The following GINS4 variants were observed in gnomAD, a reference collection of about 807,000 sequenced individuals.
The protein encoded by GINS4 is DNA replication complex GINS protein SLD5.
GINS4 carries 20 observed loss-of-function variants against 31.1 expected under a neutral mutation model. The observed-to-expected ratio is 0.64, with a 90% CI of 0.45 to 0.93. The LOEUF (loss-of-function observed/expected upper bound fraction) is 0.93, where lower values mean the gene tolerates loss of function less well. GINS4 is among the 40% of genes least tolerant of loss of function. The pLI is 0.00. For missense variants in GINS4, 245 were observed against 273.9 expected (o/e 0.89, Z 0.75); for synonymous variants, 85 against 97.9 (o/e 0.87, Z 0.78).
chr8:41,538,796 C>A (rs1806784839), intron 4 of GINS4, among the ~76,000 whole-genome samples: 1 of 151,974 alleles, frequency 6.6e-6, no homozygotes, highest in South Asian at 2.1e-4. Flanking sequence ...CCTTCGCCCC[C>A]CAGGTTGACG....
chr8:41,531,850 G>T (rs546770706), intron 2 of GINS4, among the ~76,000 whole-genome samples: 1 of 152,208 alleles, frequency 6.6e-6, no homozygotes, highest in African/African-American at 2.4e-5. Flanking sequence ...GAGTGCAGTG[G>T]TGTGATCTTG....
Position 41,542,251 on chromosome 8 carries a change from G to A in GINS4, c.*164G>A, listed in dbSNP as rs548410209. The A allele has an allele frequency of 6.4e-6, 4 of 624,102 alleles. No homozygotes were observed. The Admixed American group carries it at 7.0e-5, about 11-fold the overall frequency. The allele number at this position is 624,102 out of a possible 1,614,324, so 38.7% of individuals were successfully genotyped here. ...CAAAATAATTAGCCGGGTGTTGGTGGTGTGCACCTGTAATCCCAGCTACTC... is the reference window on the plus strand; with the variant it reads ...CAAAATAATTAGCCGGGTGTTGGTGATGTGCACCTGTAATCCCAGCTACTC... On this transcript the variant is annotated 3_prime_UTR_variant, in exon 8 of 8. Coordinates refer to ENST00000276533, the MANE Select transcript of GINS4 (RefSeq NM_032336.3).
rs772107504 is a variant in GINS4 at position 41,530,311 on chromosome 8, G to A, written c.96+13G>A. On this transcript the variant is annotated intron_variant, in intron 2 of 7. Transcript: ENST00000276533. ...AAGATTGGAGCAGGTAAGCATCCCAGATCGAATCCCTTTGCTCCAGTCAGC... is the reference window on the plus strand; with the variant it reads ...AAGATTGGAGCAGGTAAGCATCCCAAATCGAATCCCTTTGCTCCAGTCAGC... 1 of 1,587,198 alleles carries A rather than the reference G, an allele frequency of 6.3e-7. No homozygotes were observed. Among genetic ancestry groups the A allele is most frequent in the South Asian group, 1.1e-5 (1 of 89,620 alleles).
rs776678766 is a variant in GINS4, at chr8:41,542,024, G to A, written c.609G>A (p.Gln203=). ...TGATTGACCTGGAGAAGGGCTCACA[G>A]CACTTGATCCGATACAAAACCATTG... is the stretch of plus-strand genomic sequence containing the variant. ...DYVIDLEKGS[Q]HLIRYKTIAP... is the part of the protein sequence containing the mutation. The change falls in exon 8 of 8, where the codon CAG becomes CAA. Residue 203 remains glutamine, a synonymous_variant. Coordinates refer to ENST00000276533, the MANE Select transcript of GINS4 (RefSeq NM_032336.3). 3.1e-6 allele frequency: 5 copies of A among 1,614,142 alleles called. No homozygotes were observed. Among genetic ancestry groups the A allele is most frequent in the Non-Finnish European group, 4.2e-6 (5 of 1,180,024 alleles).
intron 2 of GINS4, 59 bp from the exon 3 acceptor site, chr8:41,536,301 A>G: frequency 9.8e-7 from 1 of 1,018,750 alleles, no homozygotes; most frequent in Admixed American, 1.7e-5. Flanking sequence ...GGGCTGACTC[A>G]CTGGGTTGTT....
At position 41,544,845 on chromosome 8, in the gene GINS4, G is replaced by A. The variant is rs1806905424; in HGVS notation, c.*2758G>A. ...ATGTTGTGCAGTTGCTGCTGGCCCG[G>A]GGACCACATTGAATGACGGCTCTAC... On this transcript the variant is annotated 3_prime_UTR_variant, in exon 8 of 8. Coordinates refer to ENST00000276533, the MANE Select transcript of GINS4 (RefSeq NM_032336.3). The A allele has an allele frequency of 6.6e-6, 1 of 152,114 alleles. No individual in the cohort carries two copies. The highest frequency in any genetic ancestry group is 2.1e-4 in the South Asian group (1 of 4,830). 9.4% of individuals were successfully genotyped at this position (152,114 alleles called of 1,614,324 possible).
intron 2 of GINS4, 95 bp from the exon 3 acceptor site, chr8:41,536,265 C>T (rs1048480338): frequency 7.3e-5 from 57 of 779,394 alleles, no homozygotes; most frequent in African/African-American, 6.4e-4. Context: ...TTCTTGCCTG[C>T]GCCATCCCTG....
chr8:41,535,271 G>A (rs1806723072), intron 2 of GINS4, among the ~76,000 whole-genome samples: 1 of 152,152 alleles, frequency 6.6e-6, no homozygotes, highest in Non-Finnish European at 1.5e-5. Context: ...CCGAGAGGCA[G>A]AGGCTGCAGT....
At chr8:41,541,033 C>T (rs1408782168) in intron 6 of GINS4, among the ~76,000 whole-genome samples, 1 of 142,702 alleles carries the variant, frequency 7.0e-6, no homozygotes, top group Non-Finnish European at 1.5e-5. Flanking sequence ...GTGTCCTAGT[C>T]CCCTCCCTCC....
intron 6 of GINS4, 112 bp downstream of exon 6, chr8:41,540,116 CAGAA>C (rs1806812082): frequency 6.4e-6 from 5 of 780,622 alleles, no homozygotes; most frequent in South Asian, 3.2e-5. Context: ...TGTAGATAAA[CAGAA>C]AGAAGAGCAA....
rs1479699926 is a variant in GINS4, at chr8:41,544,356, A to T, written c.*2269A>T. The T allele has an allele frequency of 6.6e-6, 1 of 152,234 alleles. No individual in the cohort carries two copies. Among genetic ancestry groups the T allele is most frequent in the Non-Finnish European group, 1.5e-5 (1 of 68,048 alleles). The allele number at this position is 152,234 out of a possible 1,614,324, so 9.4% of individuals were successfully genotyped here. A position where few individuals can be genotyped will look rare whatever the true frequency, so the allele number is the denominator to read the frequency against. On this transcript the variant is annotated 3_prime_UTR_variant, in exon 8 of 8. Transcript: ENST00000276533. The stretch of plus-strand genomic sequence containing the variant: ...CGGGCAGGGCTGTGGGAAACAGCAG[A>T]TATTTAGTGGTAAGCCTGAGATCAG...
chr8:41,534,807 A>C (rs1031594151), intron 2 of GINS4, among the ~76,000 whole-genome samples: 1 of 151,516 alleles, frequency 6.6e-6, no homozygotes, highest in East Asian at 2.0e-4. Context: ...ATCTTGGCTC[A>C]CTGCAACCTC....
At chr8:41,537,539 GT>G in intron 4 of GINS4, 1 of 417,594 alleles carries the variant, frequency 2.4e-6, no homozygotes, top group Non-Finnish European at 4.3e-6. Context: ...TGCCGAGTGA[GT>G]GGTTCCCCCT....
At chr8:41,539,250 T>A (rs563225646) in intron 4 of GINS4, among the ~76,000 whole-genome samples, 6 of 141,404 alleles carry the variant, frequency 4.2e-5, no homozygotes, top group Non-Finnish European at 7.5e-5. Context: ...AACCCGAGAG[T>A]TGGAGGTTGC....
At chr8:41,536,520 T>C in intron 3 of GINS4, 74 bp downstream of exon 3, 1 of 844,390 alleles carries the variant, frequency 1.2e-6, no homozygotes, top group Non-Finnish European at 2.0e-6. Flanking sequence ...TGAGAGCTTG[T>C]GGTCTGGTAG....
intron 2 of GINS4, among the ~76,000 whole-genome samples, chr8:41,533,849 G>A (rs1806693675): frequency 6.6e-6 from 1 of 152,086 alleles, no homozygotes; most frequent in Non-Finnish European, 1.5e-5. Flanking sequence ...CTCTGTCTTG[G>A]GTTTGTAGGT....
Position 41,544,417 on chromosome 8 carries a change from GTAGTGCTA to G in GINS4, c.*2331_*2338del, listed in dbSNP as rs1806897675. 1 of 152,222 alleles carries G rather than the reference GTAGTGCTA, an allele frequency of 6.6e-6. No homozygotes were observed. Among genetic ancestry groups the G allele is most frequent in the African/African-American group, 2.4e-5 (1 of 41,434 alleles). 9.4% of individuals were successfully genotyped at this position (152,222 alleles called of 1,614,324 possible). A position where few individuals can be genotyped will look rare whatever the true frequency, so the allele number is the denominator to read the frequency against. ...TGCACTTCCTAGTCACGTTCTCCCT[GTAGTGCTA>G]AGCCCAGAGACCTGAGCTGTTAACC... On this transcript the variant is annotated 3_prime_UTR_variant, in exon 8 of 8. Transcript: ENST00000276533.
At chr8:41,533,632 G>C (rs181574030) in intron 2 of GINS4, among the ~76,000 whole-genome samples, 1 of 152,212 alleles carries the variant, frequency 6.6e-6, no homozygotes, top group Non-Finnish European at 1.5e-5. Context: ...ACAGCTCCAG[G>C]AGCATATATA....
chr8:41,542,211 T>C lies in GINS4; in HGVS notation c.*124T>C, dbSNP rs544781957. The C allele has an allele frequency of 2.2e-4, 156 of 709,228 alleles. No individual in the cohort carries two copies. Among genetic ancestry groups the C allele is most frequent in the African/African-American group, 2.2e-3 (124 of 57,104 alleles). The allele number at this position is 709,228 out of a possible 1,614,324, so 43.9% of individuals were successfully genotyped here. On this transcript the variant is annotated 3_prime_UTR_variant, in exon 8 of 8. Coordinates refer to ENST00000276533, the MANE Select transcript of GINS4 (RefSeq NM_032336.3). ...AACCGACCAACATGGTGAAACCCCA[T>C]CTTTACTAAAAATACAAAATAATTA... is the stretch of plus-strand genomic sequence containing the variant.
Sources: gnomAD v4.1 joint callset for allele counts (sites outside exome capture counted in the v4.1 genomes callset) on GRCh38, gnomAD v4.1.1 for gene constraint, MANE v1.5 for transcripts, NCBI Gene and HGNC (gene_info 2026-07-23, HGNC 2026-07-21) for gene names.